The following GTF2H5 variants were observed in gnomAD, a reference collection of about 807,000 sequenced individuals.
GTF2H5 encodes the protein general transcription factor IIH subunit 5, also known as TFB5 ortholog.
A neutral mutation model predicts 7.1 loss-of-function variants in GTF2H5; 5 were observed. The observed-to-expected ratio is 0.71, with a 90% CI of 0.37 to 1.49. The LOEUF (loss-of-function observed/expected upper bound fraction) is 1.49. Ranked by LOEUF, GTF2H5 falls within the 40% of genes most tolerant of loss-of-function variation. GTF2H5 has a pLI of 0.03. For missense variants in GTF2H5, 80 were observed against 83.0 expected, an observed-to-expected ratio of 0.96 and a Z score of 0.14; for synonymous variants, 30 against 31.7, an observed-to-expected ratio of 0.95 and a Z score of 0.18.
intron 2 of GTF2H5, among the ~76,000 whole-genome samples, chr6:158,189,923 T>C (rs1279779105): frequency 2.0e-5 from 3 of 152,300 alleles, no homozygotes; most frequent in East Asian, 1.9e-4. Context: ...TTTGACAGAA[T>C]TGATCACTCC....
intron 2 of GTF2H5, among the ~76,000 whole-genome samples, chr6:158,174,884 T>A (rs1785907837): frequency 6.6e-6 from 1 of 152,186 alleles, no homozygotes; most frequent in South Asian, 2.1e-4. Context: ...AAGTAAGAAG[T>A]ATGGCAAAAC....
intron 2 of GTF2H5, among the ~76,000 whole-genome samples, chr6:158,172,245 G>A (rs755970126): frequency 4.0e-5 from 6 of 151,282 alleles, no homozygotes; most frequent in Non-Finnish European, 7.4e-5. Flanking sequence ...TTTTCTTGGT[G>A]TGTTAGATTC....
intron 2 of GTF2H5, among the ~76,000 whole-genome samples, chr6:158,171,592 A>G (rs1785857159): frequency 6.6e-6 from 1 of 152,134 alleles, no homozygotes; most frequent in Non-Finnish European, 1.5e-5. Context: ...CATGAGATGA[A>G]GACTGGAGTT....
chr6:158,175,061 C>T (rs1785916251), intron 2 of GTF2H5, among the ~76,000 whole-genome samples: 2 of 97,442 alleles, frequency 2.1e-5, no homozygotes, highest in East Asian at 5.0e-4. Context: ...CACACACACA[C>T]ATACACATAT....
At chr6:158,169,613 AT>A (rs1785771236) in intron 1 of GTF2H5, among the ~76,000 whole-genome samples, 1 of 88,168 alleles carries the variant, frequency 1.1e-5, no homozygotes, top group Non-Finnish European at 1.9e-5. Context: ...TATATTGTAT[AT>A]TACATATAAT....
At chr6:158,179,763 T>C (rs752522824) in intron 2 of GTF2H5, among the ~76,000 whole-genome samples, 4 of 152,206 alleles carry the variant, frequency 2.6e-5, no homozygotes, top group Non-Finnish European at 4.4e-5. Flanking sequence ...TTTCTAAATA[T>C]ACAATCATGT....
chr6:158,195,886 C>T lies in GTF2H5; in HGVS notation c.*3729C>T, dbSNP rs1437756477. 1.3e-5 allele frequency: 2 copies of T among 152,158 alleles called. No individual in the cohort carries two copies. Among genetic ancestry groups the T allele is most frequent in the Non-Finnish European group, 2.9e-5 (2 of 68,038 alleles). The allele number at this position is 152,158 out of a possible 1,614,324, so 9.4% of individuals were successfully genotyped here. ...AATAAATATTCTCAAGTGTACGTAG[C>T]TCAATTTCATTTGCAGCAAAGATAA... On this transcript the variant is annotated 3_prime_UTR_variant, in exon 3 of 3. Coordinates refer to ENST00000607778, the MANE Select transcript of GTF2H5 (RefSeq NM_207118.3).
At chr6:158,181,705 T>C (rs1235481579) in intron 2 of GTF2H5, among the ~76,000 whole-genome samples, 4 of 152,152 alleles carry the variant, frequency 2.6e-5, no homozygotes, top group Non-Finnish European at 5.9e-5. Context: ...CCTCTGCTTT[T>C]TTTTTTTGCT....
In GTF2H5 at chr6:158,199,102, C is replaced by T. The variant is rs749148997; in HGVS notation, c.*6945C>T. ...CTGTTTTAGGAATGCTTGTCAAATT[C>T]GTCACTAAAATTGATTTACTTTCTT... On this transcript the variant is annotated 3_prime_UTR_variant, in exon 3 of 3. Transcript: ENST00000607778. The T allele has an allele frequency of 6.6e-6, 1 of 152,078 alleles. No individual in the cohort carries two copies. The allele number at this position is 152,078 out of a possible 1,614,324, so 9.4% of individuals were successfully genotyped here.
chr6:158,170,575 A>T, intron 2 of GTF2H5, 37 bp downstream of exon 2: 3 of 1,394,838 alleles, frequency 2.2e-6, no homozygotes, highest in Non-Finnish European at 3.1e-6. Flanking sequence ...TTTAAGTTTA[A>T]ATATTGAATC....
At chr6:158,170,789 C>T (rs527510488) in intron 2 of GTF2H5, among the ~76,000 whole-genome samples, 1 of 152,318 alleles carries the variant, frequency 6.6e-6, no homozygotes, top group Non-Finnish European at 1.5e-5. Context: ...ACAGTGCTTG[C>T]ATTCTCCTCA....
chr6:158,191,905 A>G (rs1171195970), intron 2 of GTF2H5, 72 bp from the exon 3 acceptor site: 1 of 1,216,436 alleles, frequency 8.2e-7, no homozygotes, highest in African/African-American at 1.5e-5. Context: ...ACATGTTCAC[A>G]TTTAATTGCT....
At chr6:158,174,615 T>C (rs1785904110) in intron 2 of GTF2H5, among the ~76,000 whole-genome samples, 1 of 152,200 alleles carries the variant, frequency 6.6e-6, no homozygotes, top group Non-Finnish European at 1.5e-5. Flanking sequence ...TTCTCCCAAA[T>C]CTAGCCACCA....
intron 2 of GTF2H5, among the ~76,000 whole-genome samples, chr6:158,182,841 A>T (rs1438190205): frequency 1.3e-5 from 2 of 152,044 alleles, no homozygotes; most frequent in Non-Finnish European, 2.9e-5. Context: ...AACTCACAGA[A>T]GTTTGTTATT....
chr6:158,180,781 G>A (rs749660446), intron 2 of GTF2H5, among the ~76,000 whole-genome samples: 8 of 149,538 alleles, frequency 5.3e-5, no homozygotes, highest in South Asian at 2.1e-4. Context: ...TCTTGCTAGC[G>A]GTCTATCTAT....
chr6:158,169,522 A>G lies in GTF2H5; in HGVS notation c.-34-948A>G, dbSNP rs1212220242. ...ATATAATATATTGTATATTATATAT[A>G]ATATACAGTATATTATATATAATAT... On this transcript the variant is annotated intron_variant, in intron 1 of 2. Transcript: ENST00000607778. Among the ~76,000 whole-genome samples the G allele has an allele frequency of 3.8e-5, 3 of 79,276 alleles. 1 individual carries two copies. The highest frequency in any genetic ancestry group is 4.8e-4 in the Admixed American group (2 of 4,208). The allele number at this position is 79,276 out of a possible 152,430, so 52.0% of individuals were successfully genotyped here.
rs1197854573 is a variant in GTF2H5, at chr6:158,199,224, G to A, written c.*7067G>A. The A allele has an allele frequency of 6.6e-6, 1 of 152,112 alleles. No homozygotes were observed. The highest frequency in any genetic ancestry group is 1.5e-5 in the Non-Finnish European group (1 of 68,044). The allele number at this position is 152,112 out of a possible 1,614,324, so 9.4% of individuals were successfully genotyped here. A position where few individuals can be genotyped will look rare whatever the true frequency, so the allele number is the denominator to read the frequency against. On this transcript the variant is annotated 3_prime_UTR_variant, in exon 3 of 3. Transcript: ENST00000607778. Reference sequence around the variant, plus strand: ...TTTAAAATTACTCCGTTTAAGTACAGTGTTCACTCTTTGGGTAATGTGTAC... The same window carrying A: ...TTTAAAATTACTCCGTTTAAGTACAATGTTCACTCTTTGGGTAATGTGTAC...
chr6:158,175,044 G>GTGTGTGTGTGTGTGTGTGTA, intron 2 of GTF2H5, among the ~76,000 whole-genome samples: 22 of 142,852 alleles, frequency 1.5e-4, no homozygotes, highest in Admixed American at 4.3e-4. Context: ...GTGTGTGTGT[G>GTGTGTGTGTGTGTGTGTGTA]TATACACACA....
chr6:158,186,722 T>G (rs1305757352), intron 2 of GTF2H5, among the ~76,000 whole-genome samples: 2 of 152,168 alleles, frequency 1.3e-5, no homozygotes, highest in Non-Finnish European at 2.9e-5. Context: ...AATCAATACA[T>G]GTAAGATGTA....
Sources: gnomAD v4.1 joint callset for allele counts (sites outside exome capture counted in the v4.1 genomes callset) on GRCh38, gnomAD v4.1.1 for gene constraint, MANE v1.5 for transcripts, NCBI Gene and HGNC (gene_info 2026-07-23, HGNC 2026-07-21) for gene names.